The following CSNK2A1 variants were observed in gnomAD, a reference collection of about 807,000 sequenced individuals.
CSNK2A1 encodes the protein casein kinase 2 alpha 1.
A neutral mutation model predicts 62.9 loss-of-function variants in CSNK2A1; 10 were observed. The ratio of observed to expected loss-of-function variants is 0.16; its 90% CI spans 0.10 to 0.27. The LOEUF (loss-of-function observed/expected upper bound fraction) is 0.27, where lower values mean the gene tolerates loss of function less well. CSNK2A1 is among the 10% of genes least tolerant of loss of function. CSNK2A1 has a pLI of 1.00. For synonymous variants in CSNK2A1, 124 were observed against 167.8 expected (o/e 0.74, Z 2.02); for missense variants, 160 against 492.0 (o/e 0.33, Z 6.38).
At chr20:490,766 C>T (rs1461382395) in intron 9 of CSNK2A1, among the ~76,000 whole-genome samples, 3 of 147,696 alleles carry the variant, frequency 2.0e-5, no homozygotes, top group Non-Finnish European at 4.4e-5. Context: ...AGTGTAGTGG[C>T]GTGATCATAG....
intron 1 of CSNK2A1, among the ~76,000 whole-genome samples, chr20:535,655 C>T (rs1047330367): frequency 6.7e-6 from 1 of 149,412 alleles, no homozygotes; most frequent in Non-Finnish European, 1.5e-5. Flanking sequence ...ACTTAGGAGG[C>T]TGAGAGAGGA....
chr20:489,971 ATC>A, intron 9 of CSNK2A1, 90 bp from the exon 10 acceptor site: 2 of 1,024,668 alleles, frequency 2.0e-6, no homozygotes, highest in African/African-American at 1.6e-5. Context: ...TTAAAAAAAA[ATC>A]ACTCCACTGA....
intron 1 of CSNK2A1, among the ~76,000 whole-genome samples, chr20:537,669 G>A (rs547390907): frequency 2.0e-5 from 3 of 152,270 alleles, no homozygotes; most frequent in East Asian, 1.9e-4. Flanking sequence ...TAAACTAAAT[G>A]ACATGCTACT....
chr20:503,526 A>G (rs2018512105), intron 4 of CSNK2A1: 2 of 398,554 alleles, frequency 5.0e-6, no homozygotes, highest in Non-Finnish European at 8.8e-6. Context: ...AAGACACATC[A>G]ACCCATCGTT....
chr20:537,286 A>G (rs1422813931), intron 1 of CSNK2A1, among the ~76,000 whole-genome samples: 1 of 152,156 alleles, frequency 6.6e-6, no homozygotes, highest in Non-Finnish European at 1.5e-5. Context: ...ATAACACAAT[A>G]TTTTCTATGC....
chr20:509,976 T>C (rs1446339104), intron 2 of CSNK2A1, among the ~76,000 whole-genome samples: 1 of 152,092 alleles, frequency 6.6e-6, no homozygotes, highest in East Asian at 1.9e-4. Flanking sequence ...GTCCACAGCA[T>C]AAAAGACAAA....
In CSNK2A1 at chr20:475,315, CTG is replaced by C. The variant is rs2017825328; in HGVS notation, c.*8644_*8645del. On this transcript the variant is annotated 3_prime_UTR_variant, in exon 14 of 14. Transcript: ENST00000217244. ...TGTTTTGTAAAAATACAAAAACTAT[CTG>C]GGTGTGGTGGCATGTGCCTATAATC... The C allele has an allele frequency of 6.6e-6, 1 of 152,186 alleles. No individual in the cohort carries two copies. Among genetic ancestry groups the C allele is most frequent in the Non-Finnish European group, 1.5e-5 (1 of 68,094 alleles). The allele number at this position is 152,186 out of a possible 1,614,324, so 9.4% of individuals were successfully genotyped here.
At chr20:538,306 G>C (rs1053220434) in intron 1 of CSNK2A1, among the ~76,000 whole-genome samples, 1 of 152,160 alleles carries the variant, frequency 6.6e-6, no homozygotes, top group Non-Finnish European at 1.5e-5. Flanking sequence ...CTATTGGCTG[G>C]ACCAGGATTC....
At chr20:492,968 G>A (rs780537655) in intron 8 of CSNK2A1, among the ~76,000 whole-genome samples, 2 of 152,310 alleles carry the variant, frequency 1.3e-5, no homozygotes, top group African/African-American at 4.8e-5. Flanking sequence ...AAAGGGGTAA[G>A]AGGCAAGCTT....
intron 4 of CSNK2A1, chr20:501,403 C>G (rs901720723): frequency 6.6e-6 from 1 of 152,142 alleles, no homozygotes; most frequent in African/African-American, 2.4e-5. Flanking sequence ...TAAAACAGTG[C>G]TGGCCCAAAG....
In CSNK2A1 at chr20:499,137, G is replaced by T; in HGVS notation, c.366+118C>A. 1 of 820,008 alleles carries T rather than the reference G, an allele frequency of 1.2e-6. No individual in the cohort carries two copies. The highest frequency in any genetic ancestry group is 1.8e-6 in the Non-Finnish European group (1 of 563,600). 50.8% of individuals were successfully genotyped at this position (820,008 alleles called of 1,614,324 possible). A position where few individuals can be genotyped will look rare whatever the true frequency, so the allele number is the denominator to read the frequency against. On this transcript the variant is annotated intron_variant, in intron 6 of 13. Coordinates refer to ENST00000217244, the MANE Select transcript of CSNK2A1 (RefSeq NM_177559.3). The surrounding 1 kb of genome is among the most constrained non-coding windows in gnomAD (Gnocchi z 4.2). ...GTTCTTCTATCTTAAAATTTGCACTGTAAGGATGAAAAGCTTTTTAAAAAC... is the reference window on the plus strand; with the variant it reads ...GTTCTTCTATCTTAAAATTTGCACTTTAAGGATGAAAAGCTTTTTAAAAAC...
chr20:542,937 A>G (rs2019484457), intron 1 of CSNK2A1: 2 of 152,486 alleles, frequency 1.3e-5, no homozygotes, highest in South Asian at 4.1e-4. Flanking sequence ...CACCTGCTTA[A>G]TCTAGCAATG....
chr20:524,074 TAATTTAAAAAAA>T (rs1480404511), intron 2 of CSNK2A1, among the ~76,000 whole-genome samples: 112 of 152,032 alleles, frequency 7.4e-4, no homozygotes, highest in African/African-American at 2.1e-3. Flanking sequence ...TACTGTGTAT[TAATTTAAAAAAA>T]AATTTAAAAA....
At chr20:504,936 G>C in intron 4 of CSNK2A1, 182 bp downstream of exon 4, 1 of 561,518 alleles carries the variant, frequency 1.8e-6, no homozygotes, top group Non-Finnish European at 3.1e-6. Context: ...CACTTCTCTT[G>C]CTTCAGTTTC....
rs887609403 is a variant in CSNK2A1 at position 473,876 on chromosome 20, A to C, written c.*10085T>G. The C allele has an allele frequency of 6.6e-6, 1 of 152,066 alleles. No homozygotes were observed. The highest frequency in any genetic ancestry group is 1.5e-5 in the Non-Finnish European group (1 of 68,044). 9.4% of individuals were successfully genotyped at this position (152,066 alleles called of 1,614,324 possible). On this transcript the variant is annotated 3_prime_UTR_variant, in exon 14 of 14. Coordinates refer to ENST00000217244, the MANE Select transcript of CSNK2A1 (RefSeq NM_177559.3). ...CCAGAAGACCTCTCCCTGTGTATCC[A>C]CTTCTAAACCAGTCACAACTGCCCG...
At chr20:496,849 T>C (rs890095828) in intron 7 of CSNK2A1, 8 of 152,342 alleles carry the variant, frequency 5.3e-5, no homozygotes, top group Non-Finnish European at 1.0e-4. Context: ...TTAGCATCTA[T>C]AAGCAGAAAT....
At chr20:505,546 A>T (rs2122561144) in intron 3 of CSNK2A1, among the ~76,000 whole-genome samples, 1 of 151,536 alleles carries the variant, frequency 6.6e-6, no homozygotes, top group Non-Finnish European at 1.5e-5. Flanking sequence ...TTTTTAGTAG[A>T]GACGGCGGGT....
At chr20:516,374 A>C (rs1192554735) in intron 2 of CSNK2A1, among the ~76,000 whole-genome samples, 3 of 152,238 alleles carry the variant, frequency 2.0e-5, no homozygotes, top group Non-Finnish European at 4.4e-5. Flanking sequence ...CAGCTACGAA[A>C]AAAGTATCAT....
In CSNK2A1 at chr20:488,670, T is replaced by A; in HGVS notation, c.824+8A>T. On this transcript the variant is annotated splice_region_variant and intron_variant, in intron 11 of 13. Transcript: ENST00000217244. ...CCACAGATGCACATATTTTGTTTCA[T>A]GACTTACCTGCCCAAGATATCATTG... The A allele has an allele frequency of 6.2e-7, 1 of 1,613,086 alleles. No homozygotes were observed. The highest frequency in any genetic ancestry group is 8.5e-7 in the Non-Finnish European group (1 of 1,179,494).
Sources: allele counts gnomAD v4.1 joint callset (sites outside exome capture counted in the v4.1 genomes callset), GRCh38; gene constraint gnomAD v4.1.1; non-coding constraint Gnocchi (gnomAD v3.1); transcripts MANE v1.5; gene names NCBI Gene and HGNC (gene_info 2026-07-23, HGNC 2026-07-21).